The following FRY variants were observed in gnomAD, a reference collection of about 807,000 sequenced individuals.
FRY encodes protein furry homolog.
Under a neutral mutation model 348.4 loss-of-function variants are expected in FRY, and 128 were observed. The ratio of observed to expected loss-of-function variants is 0.37; its 90% CI spans 0.32 to 0.43. The LOEUF (loss-of-function observed/expected upper bound fraction) is 0.43. Ranked by LOEUF, FRY falls within the 20% of genes least tolerant of loss-of-function variation. The probability of loss-of-function intolerance (pLI) is 1.00; values close to 1 mark genes in which losing one functional copy is unlikely to be tolerated. For synonymous variants in FRY, 1,370 were observed against 1,374.7 expected (o/e 1.00, Z 0.08); for missense variants, 2,736 against 3,695.2 (o/e 0.74, Z 6.73).
intron 49 of FRY, among the ~76,000 whole-genome samples, 163 bp downstream of exon 49, chr13:32,249,850 T>A (rs1048752563): frequency 1.3e-5 from 2 of 152,200 alleles, no homozygotes; most frequent in Non-Finnish European, 2.9e-5. Flanking sequence ...ACCCATTTGC[T>A]CTTTGAACAG....
At chr13:32,124,933 A>G (rs1357873682) in intron 7 of FRY, 58 bp downstream of exon 7, 1 of 1,270,192 alleles carries the variant, frequency 7.9e-7, no homozygotes, top group African/African-American at 1.5e-5. Context: ...CTGTCCTTCC[A>G]GCCCTAATTT....
intron 47 of FRY, among the ~76,000 whole-genome samples, chr13:32,247,017 G>A (rs1409364680): frequency 1.3e-5 from 2 of 152,040 alleles, no homozygotes; most frequent in Admixed American, 1.3e-4. Flanking sequence ...AAAATGCATT[G>A]GGAGCTTTTT....
intron 55 of FRY, among the ~76,000 whole-genome samples, chr13:32,273,950 G>C (rs1304957018): frequency 6.6e-6 from 1 of 152,170 alleles, no homozygotes; most frequent in Non-Finnish European, 1.5e-5. Flanking sequence ...GAGTGCCAAT[G>C]TGACACTCAA....
intron 4 of FRY, 80 bp from the exon 5 acceptor site, chr13:32,124,191 CAGTCTATTAGGGAGG>C: frequency 1.3e-6 from 1 of 767,164 alleles, no homozygotes; most frequent in East Asian, 2.6e-5. Flanking sequence ...ATGGGTTTTG[CAGTCTATTAGGGAGG>C]AGTCCTAGAT....
chr13:32,111,382 C>T (rs1300275842), intron 3 of FRY, among the ~76,000 whole-genome samples: 2 of 151,796 alleles, frequency 1.3e-5, no homozygotes, highest in Non-Finnish European at 2.9e-5. Flanking sequence ...TGTAGTCCCA[C>T]CTACTCGGGA....
rs192170478 is a variant in FRY, at chr13:32,155,686, A to C, written c.1651+24A>C. ...AGGTGAGTTTCAGAAGTGCATAAGA[A>C]CTAAGCCTTATTAAGCCCTTAAAAT... On this transcript the variant is annotated intron_variant, in intron 15 of 60. Coordinates refer to ENST00000542859, the MANE Select transcript of FRY (RefSeq NM_023037.3). 9 of 1,576,392 alleles carry C rather than the reference A, an allele frequency of 5.7e-6. No homozygotes were observed. In the African/African-American group the frequency reaches 1.2e-4, roughly 21 times the overall value.
chr13:32,147,964 CGGTGGTG>C lies in FRY; in HGVS notation c.1392+20_1392+26del. 4.5e-6 allele frequency: 6 copies of C among 1,347,266 alleles called. No individual in the cohort carries two copies. The highest frequency in any genetic ancestry group is 5.3e-6 in the Non-Finnish European group (5 of 936,032). The allele number at this position is 1,347,266 out of a possible 1,614,324, so 83.5% of individuals were successfully genotyped here. On this transcript the variant is annotated intron_variant, in intron 13 of 60. Transcript: ENST00000542859. ...ATTGCCCAGGTAATGGAGAAGATTCCGGTGGTGGGAATCTTCTGATGGTTTTTCAGCA... is the reference window on the plus strand; with the variant it reads ...ATTGCCCAGGTAATGGAGAAGATTCCGGAATCTTCTGATGGTTTTTCAGCA...
At chr13:32,275,878 CT>C (rs112932271) in intron 56 of FRY, among the ~76,000 whole-genome samples, 1,721 of 144,562 alleles carry the variant, frequency 0.012, 5 homozygotes, top group Middle Eastern at 0.015. Context: ...TGTGTGATAC[CT>C]TTTTTTTTTT....
intron 58 of FRY, among the ~76,000 whole-genome samples, chr13:32,279,365 C>T (rs910186650): frequency 6.6e-6 from 1 of 152,208 alleles, no homozygotes; most frequent in Non-Finnish European, 1.5e-5. Flanking sequence ...GGGAACCAGG[C>T]CTTTCCAAGA....
rs1475990961 is a variant in FRY at position 32,135,241 on chromosome 13, A to G, written c.1077+58A>G. The G allele has an allele frequency of 4.8e-6, 5 of 1,046,608 alleles. No homozygotes were observed. The East Asian group carries it at 1.2e-4, about 25-fold the overall frequency. The allele number at this position is 1,046,608 out of a possible 1,614,324, so 64.8% of individuals were successfully genotyped here. On this transcript the variant is annotated intron_variant, in intron 10 of 60. Coordinates refer to ENST00000542859, the MANE Select transcript of FRY (RefSeq NM_023037.3). ...CAAAACTGCACAGACTAAAATTCCT[A>G]GACAGGAATCTGTTTGAGGATCCTA... is the stretch of plus-strand genomic sequence containing the variant.
chr13:32,255,881 G>A (rs1887303514), intron 51 of FRY, among the ~76,000 whole-genome samples: 1 of 152,130 alleles, frequency 6.6e-6, no homozygotes, highest in Admixed American at 6.5e-5. Flanking sequence ...TAAAATTCAA[G>A]CTTGGACACC....
At chr13:32,032,227 T>C (rs1271987968) in intron 1 of FRY, among the ~76,000 whole-genome samples, 1 of 152,220 alleles carries the variant, frequency 6.6e-6, no homozygotes, top group Non-Finnish European at 1.5e-5. Flanking sequence ...TGCCTTGATG[T>C]TTATTTGATT....
rs1322788252 is a variant in FRY at position 32,147,352 on chromosome 13, G to A, written c.1250G>A (p.Arg417Gln). Residue 417 changes from arginine (R) to glutamine (Q), a missense_variant, in exon 12 of 61, where the codon CGA becomes CAA. Coordinates refer to ENST00000542859, the MANE Select transcript of FRY (RefSeq NM_023037.3). ...LYRLLWVYMI[R>Q]IKCESNTATQ... ...AGATTACTTTGGGTTTACATGATTC[G>A]AATTAAATGTGAAAGCAACACAGCT... 3.7e-6 allele frequency: 6 copies of A among 1,610,104 alleles called. No homozygotes were observed. The African/African-American group carries it at 4.0e-5, about 11-fold the overall frequency.
In FRY at chr13:32,173,406, C is replaced by T; in HGVS notation, c.2191C>T (p.Arg731Ter). 6.2e-7 allele frequency: 1 copy of T among 1,612,362 alleles called. No homozygotes were observed. The highest frequency in any genetic ancestry group is 8.5e-7 in the Non-Finnish European group (1 of 1,179,796). The change falls in exon 19 of 61, where the codon CGA becomes TGA. Residue 731 changes from arginine (R) to a stop codon, truncating the protein, a stop_gained. Transcript: ENST00000542859. LOFTEE classifies it high-confidence loss of function. The stretch of plus-strand genomic sequence containing the variant: ...CTCCAGTCACAGAATTCAGTCGGAA[C>T]GAGGTCCCCACTGCAGTGTACTCCA... The part of the protein sequence containing the change: ...NGSSHRIQSE[R>*]GPHCSVLHAV...
chr13:32,285,700 C>A (rs971679932), intron 58 of FRY, among the ~76,000 whole-genome samples: 16 of 152,228 alleles, frequency 1.1e-4, no homozygotes, highest in African/African-American at 3.9e-4. Context: ...TCATTTCACA[C>A]TTCTGAAAAG....
In FRY at chr13:32,231,187, G is replaced by T. The variant is rs1480917042; in HGVS notation, c.5414G>T (p.Gly1805Val). Reference sequence around the variant, plus strand: ...TGTGTGTTTTGTTTAAGGGCATTTGGTCCACTTTGGTGCCATGAAGACATC... The same window carrying T: ...TGTGTGTTTTGTTTAAGGGCATTTGTTCCACTTTGGTGCCATGAAGACATC... Reference protein sequence around the residue: ...LIEFLTTRAFGPLWCHEDITP... With the variant: ...LIEFLTTRAFVPLWCHEDITP... Residue 1805 changes from glycine to valine, a missense_variant, in exon 41 of 61, where the codon GGT (glycine) becomes GTT (valine). Around this residue, in one of 9 missense-constraint regions of FRY, gnomAD observed 794 missense variants for 977.0 expected, o/e 0.81. Coordinates refer to ENST00000542859, the MANE Select transcript of FRY (RefSeq NM_023037.3). The T allele has an allele frequency of 1.2e-6, 2 of 1,613,326 alleles. No individual in the cohort carries two copies. Among genetic ancestry groups the T allele is most frequent in the Non-Finnish European group, 1.7e-6 (2 of 1,179,502 alleles).
Position 32,276,556 on chromosome 13 carries a change from ACT to A in FRY, c.8384_8385del (p.Ser2795LeufsTer6), listed in dbSNP as rs1566189673. ...CCTACAACAACAGGAAAGAGGCCACACTCTCTGTAAGCTTTTGTGTTTCTATG... is the reference window on the plus strand; with the variant it reads ...CCTACAACAACAGGAAAGAGGCCACACTCTGTAAGCTTTTGTGTTTCTATG... ...DTYNNRKEATLSWLANCKATF... is the reference protein window; with the variant it reads ...DTYNNRKEATXSWLANCKATF... On this transcript the variant is annotated frameshift_variant, in exon 57 of 61. Transcript: ENST00000542859. LOFTEE classifies it high-confidence loss of function. 6.5e-7 allele frequency: 1 copy of A among 1,538,208 alleles called. No individual in the cohort carries two copies. Among genetic ancestry groups the A allele is most frequent in the Non-Finnish European group, 9.0e-7 (1 of 1,110,876 alleles).
At position 32,203,623 on chromosome 13, in the gene FRY, T is replaced by G. The variant is rs568826344; in HGVS notation, c.4018+1096T>G. 5.3e-5 allele frequency among the ~76,000 whole-genome samples: 8 copies of G among 152,008 alleles called. No homozygotes were observed. The East Asian group carries it at 1.5e-3, about 29-fold the overall frequency. On this transcript the variant is annotated intron_variant, in intron 31 of 60. Transcript: ENST00000542859. Reference sequence around the variant, plus strand: ...CTCTAGTCCCAGCTACTCAGGAGGCTGAGGTAGGAGAATCACTTGAACCCG... The same window carrying G: ...CTCTAGTCCCAGCTACTCAGGAGGCGGAGGTAGGAGAATCACTTGAACCCG...
At position 32,210,897 on chromosome 13, in the gene FRY, A is replaced by G. The variant is rs2138359395; in HGVS notation, c.4454A>G (p.Asn1485Ser). The G allele has an allele frequency of 6.2e-7, 1 of 1,614,042 alleles. No homozygotes were observed. The highest frequency in any genetic ancestry group is 2.2e-5 in the East Asian group (1 of 44,886). The change falls in exon 34 of 61, where the codon AAC becomes AGC. Residue 1485 changes from asparagine to serine, a missense_variant. By Grantham distance (46) the Asn-to-Ser change is conservative. Transcript: ENST00000542859. ...IKKVAIYLCR[N>S]NTIQTMEELL... The stretch of plus-strand genomic sequence containing the variant: ...AAAGTGGCAATATACTTGTGCCGTA[A>G]CAACACCATTCAAACCATGGAAGAG...
Sources: allele counts gnomAD v4.1 joint callset (sites outside exome capture counted in the v4.1 genomes callset), GRCh38; gene constraint gnomAD v4.1.1; regional missense constraint gnomAD v4.1.1; transcripts MANE v1.5; gene names NCBI Gene and HGNC (gene_info 2026-07-23, HGNC 2026-07-21).